ZFR: variants seen among roughly 807,000 people sequenced by gnomAD.
ZFR encodes zinc finger RNA binding protein.
A neutral mutation model predicts 130.7 loss-of-function variants in ZFR; 19 were observed. The observed-to-expected ratio is 0.15, with a 90% CI of 0.10 to 0.21. ZFR has a LOEUF of 0.21. ZFR is among the 10% of genes least tolerant of loss of function. The pLI, the probability that ZFR is intolerant of heterozygous loss-of-function variation, is 1.00. For missense variants in ZFR, 872 were observed against 1,321.5 expected (o/e 0.66, Z 5.27); for synonymous variants, 466 against 456.9 (o/e 1.02, Z -0.25).
intron 16 of ZFR, 192 bp from the exon 17 acceptor site, chr5:32,379,402 T>C: frequency 1.6e-6 from 1 of 621,008 alleles, no homozygotes; most frequent in Non-Finnish European, 2.9e-6. Flanking sequence ...TAAAAGCTGG[T>C]ATTTAGGTCA....
At chr5:32,382,048 T>G (rs1474827653) in intron 15 of ZFR, among the ~76,000 whole-genome samples, 1 of 152,158 alleles carries the variant, frequency 6.6e-6, no homozygotes, top group Non-Finnish European at 1.5e-5. Flanking sequence ...ATGCCTGTAA[T>G]CCTAGCACTT....
chr5:32,430,582 C>T (rs1754185840), intron 2 of ZFR, among the ~76,000 whole-genome samples: 1 of 151,884 alleles, frequency 6.6e-6, no homozygotes, highest in Admixed American at 6.6e-5. Context: ...TGAAAGATAA[C>T]AATGTTCAGA....
At chr5:32,404,415 G>C (rs1411051688) in intron 6 of ZFR, among the ~76,000 whole-genome samples, 1 of 152,164 alleles carries the variant, frequency 6.6e-6, no homozygotes, top group African/African-American at 2.4e-5. Context: ...AATAGACAGT[G>C]ATCATTCCAT....
chr5:32,355,494 G>C lies in ZFR; in HGVS notation c.*266C>G, dbSNP rs572046132. 1 of 245,674 alleles carries C rather than the reference G, an allele frequency of 4.1e-6. No homozygotes were observed. The highest frequency in any genetic ancestry group is 5.5e-5 in the Admixed American group (1 of 18,184). The allele number at this position is 245,674 out of a possible 1,614,324, so 15.2% of individuals were successfully genotyped here. On this transcript the variant is annotated 3_prime_UTR_variant, in exon 20 of 20. Coordinates refer to ENST00000265069, the MANE Select transcript of ZFR (RefSeq NM_016107.5). ...GACACAAAAATAGGGGGGGAAGCTA[G>C]GGCAACCAGAAAATAAAATAAAAAT...
At chr5:32,359,511 A>G (rs1444998846) in intron 19 of ZFR, among the ~76,000 whole-genome samples, 1 of 152,206 alleles carries the variant, frequency 6.6e-6, no homozygotes, top group African/African-American at 2.4e-5. Context: ...GCAATCTTAA[A>G]AATGTACTGA....
In ZFR at chr5:32,373,945, C is replaced by T. The variant is rs1383015589; in HGVS notation, c.2835+5170G>A. On this transcript the variant is annotated intron_variant, in intron 17 of 19. Transcript: ENST00000265069. The stretch of plus-strand genomic sequence containing the variant: ...TCTTTTCTTCTCAGTTCTTACGGCT[C>T]TCTACCCTCAAAGAAGAACACACCC... Among the ~76,000 whole-genome samples the T allele has an allele frequency of 5.3e-5, 8 of 152,270 alleles. No individual in the cohort carries two copies. In the East Asian group the frequency reaches 1.5e-3, roughly 29 times the overall value.
chr5:32,422,900 C>T (rs756364249), intron 2 of ZFR, among the ~76,000 whole-genome samples: 1 of 148,024 alleles, frequency 6.8e-6, no homozygotes, highest in African/African-American at 2.5e-5. Context: ...AAAGAAAGCA[C>T]GTAAGCAATT....
chr5:32,386,032 T>A (rs1257631496), intron 14 of ZFR, among the ~76,000 whole-genome samples: 1 of 152,136 alleles, frequency 6.6e-6, no homozygotes, highest in Admixed American at 6.5e-5. Flanking sequence ...ATTGTACATT[T>A]TCTGTGAAAT....
intron 2 of ZFR, among the ~76,000 whole-genome samples, chr5:32,433,100 G>A (rs1364233640): frequency 6.6e-6 from 1 of 152,162 alleles, no homozygotes; most frequent in African/African-American, 2.4e-5. Flanking sequence ...CACTAGAATG[G>A]TGTAGACCAC....
chr5:32,371,836 AG>A (rs1328685384), intron 17 of ZFR, among the ~76,000 whole-genome samples: 1 of 152,072 alleles, frequency 6.6e-6, no homozygotes, highest in Admixed American at 6.5e-5. Flanking sequence ...AATAAAGGTA[AG>A]ATCTTCCAAA....
At chr5:32,396,247 C>T (rs905988787) in intron 10 of ZFR, among the ~76,000 whole-genome samples, 8 of 151,282 alleles carry the variant, frequency 5.3e-5, no homozygotes, top group East Asian at 1.9e-4. Flanking sequence ...TTTTTGACTG[C>T]GTGAGGGGCC....
At chr5:32,364,583 A>C in intron 17 of ZFR, 1 of 158,910 alleles carries the variant, frequency 6.3e-6, no homozygotes, top group Non-Finnish European at 1.4e-5. Context: ...AAAAACCAAA[A>C]ATTAGCTGGA....
At chr5:32,408,422 A>C (rs943946455) in intron 5 of ZFR, among the ~76,000 whole-genome samples, 3 of 151,988 alleles carry the variant, frequency 2.0e-5, no homozygotes, top group Non-Finnish European at 2.9e-5. Flanking sequence ...TCATAAAGTT[A>C]CATTTCTGTG....
intron 7 of ZFR, 119 bp from the exon 8 acceptor site, chr5:32,403,516 A>G (rs1247129504): frequency 3.8e-6 from 5 of 1,332,092 alleles, no homozygotes; most frequent in Admixed American, 2.5e-5. Flanking sequence ...TTTTTCTGCT[A>G]TATGTTTTTG....
intron 17 of ZFR, among the ~76,000 whole-genome samples, chr5:32,366,575 GAACT>G (rs1752549765): frequency 1.3e-5 from 2 of 152,124 alleles, no homozygotes; most frequent in Non-Finnish European, 2.9e-5. Flanking sequence ...CATTTACTGT[GAACT>G]AAGCAATTAA....
At chr5:32,412,475 T>G (rs1451104202) in intron 5 of ZFR, among the ~76,000 whole-genome samples, 1 of 152,220 alleles carries the variant, frequency 6.6e-6, no homozygotes. Context: ...ATACAATCCA[T>G]GATCCTTGAC....
At chr5:32,406,629 G>T in intron 6 of ZFR, 145 bp downstream of exon 6, 4 of 1,110,626 alleles carry the variant, frequency 3.6e-6, no homozygotes, top group South Asian at 3.7e-5. Flanking sequence ...AAATTCTCAT[G>T]CCACAATACA....
intron 15 of ZFR, among the ~76,000 whole-genome samples, chr5:32,382,594 T>C (rs911590384): frequency 6.6e-6 from 1 of 152,182 alleles, no homozygotes; most frequent in Non-Finnish European, 1.5e-5. Flanking sequence ...AATTCAAAGA[T>C]GCCAAGACAC....
intron 17 of ZFR, among the ~76,000 whole-genome samples, chr5:32,376,275 C>T (rs1400935209): frequency 6.6e-6 from 1 of 152,146 alleles, no homozygotes; most frequent in Non-Finnish European, 1.5e-5. Flanking sequence ...ATATATCCTA[C>T]CAAAAATTTT....
Sources: gnomAD v4.1 joint callset for allele counts (sites outside exome capture counted in the v4.1 genomes callset) on GRCh38, gnomAD v4.1.1 for gene constraint, MANE v1.5 for transcripts, NCBI Gene and HGNC (gene_info 2026-07-23, HGNC 2026-07-21) for gene names.